KCTD1: variants seen among roughly 807,000 people sequenced by gnomAD.
KCTD1 encodes potassium channel tetramerization domain containing 1, also known as BTB/POZ domain-containing protein KCTD1.
KCTD1 carries 24 observed loss-of-function variants against 66.0 expected under a neutral mutation model. The observed-to-expected ratio is 0.36, with a 90% confidence interval of 0.26 to 0.51. The LOEUF is 0.51. KCTD1 is among the 20% of genes least tolerant of loss of function. KCTD1 has a pLI of 0.95. For synonymous variants in KCTD1, 511 were observed against 517.2 expected (o/e 0.99, Z 0.16); for missense variants, 943 against 1,205.2 (o/e 0.78, Z 3.22).
chr18:26,586,765 A>T (rs1986481939), intron 1 of KCTD1, among the ~76,000 whole-genome samples: 1 of 149,100 alleles, frequency 6.7e-6, no homozygotes, highest in Non-Finnish European at 1.5e-5. Flanking sequence ...AACCAGCCAC[A>T]ACATTCCCTT....
intron 1 of KCTD1, among the ~76,000 whole-genome samples, chr18:26,528,562 GC>G (rs1984280953): frequency 6.6e-6 from 1 of 152,108 alleles, no homozygotes; most frequent in African/African-American, 2.4e-5. Flanking sequence ...TCCTCCAGCT[GC>G]TGCTCTGCTG....
At chr18:26,586,837 G>A (rs1274025202) in intron 1 of KCTD1, among the ~76,000 whole-genome samples, 1 of 152,200 alleles carries the variant, frequency 6.6e-6, no homozygotes, top group Admixed American at 6.5e-5. Flanking sequence ...GGCTGAGAGG[G>A]GTGAGGTAGC....
At chr18:26,510,005 G>GA (rs1034984416) in intron 1 of KCTD1, among the ~76,000 whole-genome samples, 2 of 152,118 alleles carry the variant, frequency 1.3e-5, no homozygotes, top group Non-Finnish European at 2.9e-5. Context: ...CATTTAGAAG[G>GA]AAAAAATGAA....
chr18:26,477,091 C>T (rs111814786), intron 2 of KCTD1, among the ~76,000 whole-genome samples: 3,024 of 152,326 alleles, frequency 0.02, 42 homozygotes, highest in Non-Finnish European at 0.033. Context: ...TCCCCAACCA[C>T]GAATCCCAAA....
chr18:26,501,981 C>T (rs941689061), intron 1 of KCTD1, among the ~76,000 whole-genome samples: 2 of 152,232 alleles, frequency 1.3e-5, no homozygotes, highest in African/African-American at 4.8e-5. Flanking sequence ...AGCAAAGGTG[C>T]AATGTGAGCA....
chr18:26,497,601 T>C (rs1982545410), intron 2 of KCTD1, among the ~76,000 whole-genome samples: 1 of 152,230 alleles, frequency 6.6e-6, no homozygotes, highest in Non-Finnish European at 1.5e-5. Context: ...TTAAATTGGA[T>C]GTTGCTTTGA....
At chr18:26,506,977 C>A (rs1166327638) in intron 1 of KCTD1, among the ~76,000 whole-genome samples, 1 of 152,126 alleles carries the variant, frequency 6.6e-6, no homozygotes, top group Non-Finnish European at 1.5e-5. Flanking sequence ...ACCAGCCTGG[C>A]CAACATGGCA....
In KCTD1 at chr18:26,540,061, A is replaced by C. The variant is rs147371608; in HGVS notation, c.1809+6667T>G. On this transcript the variant is annotated intron_variant, in intron 1 of 4. Coordinates refer to ENST00000580059, the MANE Select transcript of KCTD1 (RefSeq NM_001142730.3). ...GCCCAAATGGGAACTGGTGCTATAA[A>C]TAATTGCTTCCTTTTTCTTGTGTTA... 9.8e-5 allele frequency among the ~76,000 whole-genome samples: 15 copies of C among 152,306 alleles called. No individual in the cohort carries two copies. In the East Asian group the frequency reaches 2.9e-3, roughly 29 times the overall value.
intron 1 of KCTD1, among the ~76,000 whole-genome samples, chr18:26,591,802 A>G (rs1986611161): frequency 6.6e-6 from 1 of 152,198 alleles, no homozygotes; most frequent in African/African-American, 2.4e-5. Flanking sequence ...TATATAATAA[A>G]TAAATTAGCA....
chr18:26,493,266 T>C (rs918483889), intron 2 of KCTD1, among the ~76,000 whole-genome samples: 1 of 152,226 alleles, frequency 6.6e-6, no homozygotes, highest in Admixed American at 6.5e-5. Context: ...AAATGTGCGA[T>C]GTCTGTGGCT....
intron 1 of KCTD1, among the ~76,000 whole-genome samples, chr18:26,599,178 G>T (rs1245122599): frequency 6.6e-6 from 1 of 152,106 alleles, no homozygotes; most frequent in Non-Finnish European, 1.5e-5. Flanking sequence ...TTTATAAATG[G>T]TATAATGTAT....
At chr18:26,587,475 A>G (rs1986496384) in intron 1 of KCTD1, among the ~76,000 whole-genome samples, 1 of 152,246 alleles carries the variant, frequency 6.6e-6, no homozygotes, top group South Asian at 2.1e-4. Context: ...TGTAGCCCAT[A>G]AATCAGTAGT....
intron 2 of KCTD1, 76 bp downstream of exon 2, chr18:26,500,996 G>A: frequency 6.6e-7 from 1 of 1,525,534 alleles, no homozygotes; most frequent in Admixed American, 1.7e-5. Flanking sequence ...AGGCTACACT[G>A]CTATGCTGGT....
intron 2 of KCTD1, among the ~76,000 whole-genome samples, chr18:26,483,837 G>GAC (rs1341940163): frequency 2.0e-5 from 3 of 152,158 alleles, no homozygotes; most frequent in Non-Finnish European, 4.4e-5. Context: ...AGGAAGGGAA[G>GAC]GAGTCGTGGA....
chr18:26,570,267 A>C (rs183943112), intron 1 of KCTD1, among the ~76,000 whole-genome samples: 2 of 151,024 alleles, frequency 1.3e-5, no homozygotes, highest in East Asian at 3.9e-4. Flanking sequence ...TTCAGCTGAC[A>C]GAAACAAGGA....
chr18:26,532,618 TCTC>T (rs1984504457), intron 1 of KCTD1, among the ~76,000 whole-genome samples: 1 of 152,154 alleles, frequency 6.6e-6, no homozygotes, highest in Non-Finnish European at 1.5e-5. Flanking sequence ...TGGGCCGCCA[TCTC>T]CTCACCTGTG....
chr18:26,460,790 G>A (rs574699561), intron 3 of KCTD1: 1 of 152,216 alleles, frequency 6.6e-6, no homozygotes, highest in Non-Finnish European at 1.5e-5. Flanking sequence ...AACAAAACAG[G>A]TATTAAAACA....
At chr18:26,503,313 T>TA (rs989033129) in intron 1 of KCTD1, among the ~76,000 whole-genome samples, 27 of 150,946 alleles carry the variant, frequency 1.8e-4, no homozygotes, top group Admixed American at 2.6e-4. Context: ...TGGAAAAAAA[T>TA]AAAAAAAACA....
chr18:26,652,483 C>G (rs1454001233), intron 1 of KCTD1, among the ~76,000 whole-genome samples: 1 of 152,206 alleles, frequency 6.6e-6, no homozygotes, highest in Non-Finnish European at 1.5e-5. Context: ...TCCAACCATT[C>G]ATTTCATAAT....
Sources: gnomAD v4.1 joint callset for allele counts (sites outside exome capture counted in the v4.1 genomes callset) on GRCh38, gnomAD v4.1.1 for gene constraint, MANE v1.5 for transcripts, NCBI Gene and HGNC (gene_info 2026-07-23, HGNC 2026-07-21) for gene names.